GRIK1: variants seen among roughly 807,000 people sequenced by gnomAD.
GRIK1 encodes the protein glutamate receptor ionotropic, kainate 1.
GRIK1 carries 69 observed loss-of-function variants against 105.7 expected under a neutral mutation model. The ratio of observed to expected loss-of-function variants is 0.65; its 90% CI spans 0.54 to 0.80. The LOEUF (loss-of-function observed/expected upper bound fraction) is 0.80, where lower values mean the gene tolerates loss of function less well. GRIK1 is among the 30% of genes least tolerant of loss of function. The probability of loss-of-function intolerance (pLI) is 0.00; values close to 1 mark genes in which losing one functional copy is unlikely to be tolerated. For synonymous variants in GRIK1, 438 were observed against 431.3 expected, an observed-to-expected ratio of 1.02 and a Z score of -0.19; for missense variants, 1,109 against 1,167.3, an observed-to-expected ratio of 0.95 and a Z score of 0.73.
chr21:29,931,195 A>C (rs1460127545), intron 1 of GRIK1, among the ~76,000 whole-genome samples: 2 of 152,044 alleles, frequency 1.3e-5, no homozygotes, highest in Non-Finnish European at 2.9e-5. Context: ...ACCTAATGTC[A>C]TTTTCTTGTT....
At chr21:29,616,677 C>A (rs866468088) in intron 7 of GRIK1, among the ~76,000 whole-genome samples, 14 of 152,284 alleles carry the variant, frequency 9.2e-5, no homozygotes, top group African/African-American at 2.9e-4. Context: ...AAATAAATCC[C>A]GTGGCATTTC....
intron 1 of GRIK1, among the ~76,000 whole-genome samples, chr21:29,855,239 C>T (rs373187421): frequency 9.4e-4 from 143 of 152,110 alleles, no homozygotes; most frequent in Non-Finnish European, 1.7e-3. Context: ...TATTTTATTA[C>T]GGAGTGAAAG....
At chr21:29,791,079 G>A (rs376596335) in intron 1 of GRIK1, among the ~76,000 whole-genome samples, 6 of 152,258 alleles carry the variant, frequency 3.9e-5, no homozygotes, top group African/African-American at 1.4e-4. Flanking sequence ...CAAGAGTTGG[G>A]CATCATCCAG....
At chr21:29,885,475 G>C (rs1191003262) in intron 1 of GRIK1, among the ~76,000 whole-genome samples, 2 of 152,046 alleles carry the variant, frequency 1.3e-5, no homozygotes, top group Non-Finnish European at 2.9e-5. Flanking sequence ...GAATTGGTGG[G>C]AGTGAAGGAA....
intron 14 of GRIK1, among the ~76,000 whole-genome samples, chr21:29,562,273 G>A (rs960203596): frequency 1.3e-5 from 2 of 152,280 alleles, no homozygotes; most frequent in South Asian, 4.2e-4. Context: ...GACTTCCTCT[G>A]CTTTATTTGT....
At chr21:29,824,556 T>C (rs986254564) in intron 1 of GRIK1, among the ~76,000 whole-genome samples, 4 of 152,090 alleles carry the variant, frequency 2.6e-5, no homozygotes, top group East Asian at 3.9e-4. Context: ...TCTGGTCAGA[T>C]GTTACTTGCA....
chr21:29,553,774 A>C lies in GRIK1; in HGVS notation c.2607+1278T>G. 7 of 1,110,706 alleles carry C rather than the reference A, an allele frequency of 6.3e-6. No individual in the cohort carries two copies. In the South Asian group the frequency reaches 1.1e-4, roughly 18 times the overall value. The allele number at this position is 1,110,706 out of a possible 1,614,324, so 68.8% of individuals were successfully genotyped here. ...AATCAGAAGCAAGAATGAATGTTTA[A>C]ATGAAAATTTACATCACATGAAGCT... On this transcript the variant is annotated intron_variant, in intron 16 of 17. Coordinates refer to ENST00000327783, the MANE Select transcript of GRIK1 (RefSeq NM_001330994.2).
At chr21:29,928,654 C>A (rs1026629728) in intron 1 of GRIK1, among the ~76,000 whole-genome samples, 8 of 152,176 alleles carry the variant, frequency 5.3e-5, no homozygotes, top group African/African-American at 1.7e-4. Flanking sequence ...TGGGTAAGCA[C>A]CAGCTAAGTG....
At chr21:29,811,988 C>T (rs750540423) in intron 1 of GRIK1, among the ~76,000 whole-genome samples, 3 of 152,210 alleles carry the variant, frequency 2.0e-5, no homozygotes, top group Non-Finnish European at 4.4e-5. Flanking sequence ...CTCTCCAAAA[C>T]GATCCCTTTT....
chr21:29,651,453 C>T (rs565603942), intron 5 of GRIK1, among the ~76,000 whole-genome samples, 162 bp from the exon 6 acceptor site: 3 of 152,292 alleles, frequency 2.0e-5, no homozygotes, highest in Middle Eastern at 6.8e-3. Flanking sequence ...ACAGTTGGAA[C>T]ATGTTAAATG....
At position 29,736,264 on chromosome 21, in the gene GRIK1, G is replaced by A. The variant is rs79349561; in HGVS notation, c.119-42201C>T. 3.9e-5 allele frequency among the ~76,000 whole-genome samples: 6 copies of A among 152,244 alleles called. No individual in the cohort carries two copies. The East Asian group carries it at 1.2e-3, about 29-fold the overall frequency. On this transcript the variant is annotated intron_variant, in intron 1 of 17. Coordinates refer to ENST00000327783, the MANE Select transcript of GRIK1 (RefSeq NM_001330994.2). ...AGATAGAGTTTCTCTTTGCTGCCTA[G>A]GCTGGAGTGCAGTGGTACAATCACA...
intron 1 of GRIK1, among the ~76,000 whole-genome samples, chr21:29,897,591 A>G (rs1294360726): frequency 2.0e-5 from 3 of 152,206 alleles, no homozygotes; most frequent in African/African-American, 7.2e-5. Flanking sequence ...GTTAAACCCA[A>G]AACAAATTTG....
chr21:29,755,894 C>T (rs1449346959), intron 1 of GRIK1, among the ~76,000 whole-genome samples: 1 of 152,076 alleles, frequency 6.6e-6, no homozygotes. Flanking sequence ...TAACATTTTA[C>T]CAGGAGCTGG....
intron 1 of GRIK1, among the ~76,000 whole-genome samples, chr21:29,767,283 G>A (rs1288759988): frequency 6.6e-6 from 1 of 152,168 alleles, no homozygotes. Context: ...ATATTTCCAG[G>A]ATGTGTATGG....
intron 7 of GRIK1, among the ~76,000 whole-genome samples, chr21:29,604,462 A>G (rs2061576003): frequency 2.6e-5 from 4 of 152,312 alleles, no homozygotes; most frequent in Non-Finnish European, 4.4e-5. Context: ...ATAAGCATTT[A>G]TTAATCATCA....
chr21:29,634,922 G>T (rs1163538118), intron 7 of GRIK1, among the ~76,000 whole-genome samples: 3 of 152,144 alleles, frequency 2.0e-5, no homozygotes, highest in Non-Finnish European at 4.4e-5. Flanking sequence ...GTAAAGGGTA[G>T]AATACCTACT....
intron 12 of GRIK1, among the ~76,000 whole-genome samples, chr21:29,586,522 T>C (rs944080064): frequency 2.6e-5 from 4 of 152,222 alleles, no homozygotes; most frequent in Non-Finnish European, 5.9e-5. Context: ...TGAGTTTTGT[T>C]GAAAGGTGAA....
chr21:29,790,253 T>A (rs2066376172), intron 1 of GRIK1, among the ~76,000 whole-genome samples: 1 of 152,138 alleles, frequency 6.6e-6, no homozygotes, highest in African/African-American at 2.4e-5. Context: ...TTCACCATGT[T>A]GGCCAGGATG....
chr21:29,582,453 G>C, intron 12 of GRIK1: 1 of 284,526 alleles, frequency 3.5e-6, no homozygotes, highest in East Asian at 1.1e-4. Context: ...TAGTAGTGTG[G>C]GAAGTCGACT....
Sources: allele counts gnomAD v4.1 joint callset (sites outside exome capture counted in the v4.1 genomes callset), GRCh38; gene constraint gnomAD v4.1.1; transcripts MANE v1.5; gene names NCBI Gene and HGNC (gene_info 2026-07-23, HGNC 2026-07-21).